AFF1: variants seen among roughly 807,000 people sequenced by gnomAD.
AFF1 encodes ALF transcription elongation factor 1.
AFF1 carries 48 observed loss-of-function variants against 121.7 expected under a neutral mutation model. The observed-to-expected ratio is 0.39, with a 90% CI of 0.31 to 0.50. The LOEUF (loss-of-function observed/expected upper bound fraction) is 0.50. AFF1 is among the 20% of genes least tolerant of loss of function. AFF1 has a pLI of 0.76. For missense variants in AFF1, 1,523 were observed against 1,511.7 expected, an observed-to-expected ratio of 1.01 and a Z score of -0.12; for synonymous variants, 613 against 563.0, an observed-to-expected ratio of 1.09 and a Z score of -1.26.
chr4:86,962,085 G>A (rs1429242565), intron 2 of AFF1, among the ~76,000 whole-genome samples: 1 of 151,748 alleles, frequency 6.6e-6, no homozygotes, highest in African/African-American at 2.4e-5. Flanking sequence ...AAGCCAGGGA[G>A]TTGAGAGCAA....
At chr4:87,104,815 A>G (rs958414934) in intron 8 of AFF1, among the ~76,000 whole-genome samples, 2 of 152,172 alleles carry the variant, frequency 1.3e-5, no homozygotes, top group Admixed American at 6.5e-5. Flanking sequence ...ATTTAGGTTC[A>G]CCATAAGCCA....
At chr4:87,060,943 T>C (rs1720726837) in intron 4 of AFF1, among the ~76,000 whole-genome samples, 1 of 151,518 alleles carries the variant, frequency 6.6e-6, no homozygotes. Flanking sequence ...CTTAATTTTC[T>C]AGTAGATTAA....
chr4:87,063,582 G>A (rs915180364), intron 4 of AFF1, among the ~76,000 whole-genome samples: 1 of 152,132 alleles, frequency 6.6e-6, no homozygotes, highest in Non-Finnish European at 1.5e-5. Context: ...AATTGTGGAA[G>A]TTTTAATAGT....
chr4:87,073,280 C>CAAAAAAAAAAAAAA (rs55821662), intron 4 of AFF1, among the ~76,000 whole-genome samples: 6 of 83,684 alleles, frequency 7.2e-5, no homozygotes, highest in African/African-American at 1.0e-4. Flanking sequence ...GCATTAAAGC[C>CAAAAAAAAAAAAAA]AAAAAAAAAA....
chr4:87,071,378 G>A (rs1722036929), intron 4 of AFF1, among the ~76,000 whole-genome samples: 1 of 152,126 alleles, frequency 6.6e-6, no homozygotes, highest in Non-Finnish European at 1.5e-5. Flanking sequence ...GTCTTTTCAG[G>A]CTCGTTTACT....
intron 2 of AFF1, among the ~76,000 whole-genome samples, chr4:86,949,356 C>T (rs1000361827): frequency 4.0e-5 from 6 of 150,182 alleles, no homozygotes; most frequent in African/African-American, 9.7e-5. Flanking sequence ...CTCAGGTGAT[C>T]CCCCTGCCTC....
Position 86,978,533 on chromosome 4 carries a change from A to G in AFF1, c.38+29962A>G, listed in dbSNP as rs534028741. Among the ~76,000 whole-genome samples, 385 of 151,810 alleles carry G rather than the reference A, an allele frequency of 2.5e-3. 2 individuals carry two copies. Among genetic ancestry groups the G allele is most frequent in the Middle Eastern group, 0.024 (7 of 292 alleles). On this transcript the variant is annotated intron_variant, in intron 2 of 20. Transcript: ENST00000395146. Reference sequence around the variant, plus strand: ...ATCTGTCTAGTAAATTTCATAGTGTAGTTTCTTTTTAAATTTTTATTCTTT... The same window carrying G: ...ATCTGTCTAGTAAATTTCATAGTGTGGTTTCTTTTTAAATTTTTATTCTTT...
chr4:86,998,086 G>A (rs1172076228), intron 2 of AFF1, among the ~76,000 whole-genome samples: 9 of 98,074 alleles, frequency 9.2e-5, no homozygotes, highest in African/African-American at 3.3e-4. Flanking sequence ...CAATAAGAGC[G>A]AAACTCCGTC....
chr4:87,122,246 GC>G (rs1482876987), intron 12 of AFF1, among the ~76,000 whole-genome samples: 12 of 152,204 alleles, frequency 7.9e-5, no homozygotes, highest in African/African-American at 2.9e-4. Context: ...AGTTCACTGG[GC>G]CGTTTGGTAA....
chr4:87,015,616 G>C (rs1727216174), intron 2 of AFF1, among the ~76,000 whole-genome samples: 1 of 152,146 alleles, frequency 6.6e-6, no homozygotes, highest in Non-Finnish European at 1.5e-5. Context: ...GATGGTGTGA[G>C]TTTTTTATTT....
At chr4:87,089,117 C>CT (rs1724037563) in intron 5 of AFF1, among the ~76,000 whole-genome samples, 1 of 152,134 alleles carries the variant, frequency 6.6e-6, no homozygotes. Flanking sequence ...CCTGGGGTAC[C>CT]TTGACTCAAT....
intron 4 of AFF1, among the ~76,000 whole-genome samples, chr4:87,059,035 CCTTT>C (rs1720453753): frequency 6.6e-6 from 1 of 152,202 alleles, no homozygotes; most frequent in African/African-American, 2.4e-5. Flanking sequence ...GCCTTAATCT[CCTTT>C]GGAGGCTGCT....
rs2149811119 is a variant in AFF1, at chr4:87,137,639, C to CT, written c.*1939dup. The CT allele has an allele frequency of 4.3e-6, 1 of 232,166 alleles. No individual in the cohort carries two copies. Among genetic ancestry groups the CT allele is most frequent in the East Asian group, 6.1e-5 (1 of 16,446 alleles). The allele number at this position is 232,166 out of a possible 1,614,324, so 14.4% of individuals were successfully genotyped here. ...AAGCAAAGCCCTGGTCCTTTTTAAA[C>CT]TACTAGTTTTAAAAACCTGTGTTAA... On this transcript the variant is annotated 3_prime_UTR_variant, in exon 21 of 21. Transcript: ENST00000395146.
chr4:86,963,948 A>G (rs1034387416), intron 2 of AFF1, among the ~76,000 whole-genome samples: 6 of 140,924 alleles, frequency 4.3e-5, no homozygotes, highest in African/African-American at 1.6e-4. Context: ...GGTGTGAGTC[A>G]CCATGACTAG....
At chr4:87,016,307 A>C (rs963697082) in intron 2 of AFF1, among the ~76,000 whole-genome samples, 1 of 152,082 alleles carries the variant, frequency 6.6e-6, no homozygotes, top group Non-Finnish European at 1.5e-5. Context: ...TTCCCAGCCC[A>C]AGTTTTTGTA....
At chr4:87,015,248 C>T (rs2149545743) in intron 2 of AFF1, among the ~76,000 whole-genome samples, 2 of 152,278 alleles carry the variant, frequency 1.3e-5, no homozygotes, top group Middle Eastern at 6.8e-3. Flanking sequence ...TCCCTCTCCC[C>T]TCCAGCCTCC....
intron 2 of AFF1, among the ~76,000 whole-genome samples, chr4:87,032,889 C>T (rs1008386456): frequency 6.6e-6 from 1 of 152,150 alleles, no homozygotes; most frequent in Non-Finnish European, 1.5e-5. Context: ...GGGCTCACAC[C>T]TGTAGTTCCA....
At position 87,110,149 on chromosome 4, in the gene AFF1, TCTTAA is replaced by T. The variant is rs199584223; in HGVS notation, c.1533+1838_1533+1842del. Among the ~76,000 whole-genome samples, 1,464 of 152,266 alleles carry T rather than the reference TCTTAA, an allele frequency of 9.6e-3. 15 individuals carry two copies. The highest frequency in any genetic ancestry group is 0.034 in the Middle Eastern group (10 of 294). On this transcript the variant is annotated intron_variant, in intron 11 of 20. Transcript: ENST00000395146. ...GTACTGTAAATTATGGAATTTTCAC[TCTTAA>T]CTTTCTCACTCCTTTTTTTTATTTT...
At position 87,064,552 on chromosome 4, in the gene AFF1, G is replaced by A. The variant is rs142645156; in HGVS notation, c.1059+16958G>A. On this transcript the variant is annotated intron_variant, in intron 4 of 20. Coordinates refer to ENST00000395146, the MANE Select transcript of AFF1 (RefSeq NM_001166693.3). ...AGCCCAGGAGTTTGAGACCAACCTG[G>A]ACAACATGGTGAGACTGTCTCTACA... Among the ~76,000 whole-genome samples, 624 of 152,260 alleles carry A rather than the reference G, an allele frequency of 4.1e-3. 4 individuals carry two copies. Among genetic ancestry groups the A allele is most frequent in the Middle Eastern group, 0.014 (4 of 294 alleles).
Sources: allele counts gnomAD v4.1 joint callset (sites outside exome capture counted in the v4.1 genomes callset), GRCh38; gene constraint gnomAD v4.1.1; transcripts MANE v1.5; gene names NCBI Gene and HGNC (gene_info 2026-07-23, HGNC 2026-07-21).